Variants in PLCB4 observed in about 807,000 individuals in gnomAD.
PLCB4 encodes the protein phospholipase C beta 4.
PLCB4 carries 77 observed loss-of-function variants against 178.8 expected under a neutral mutation model. The observed-to-expected ratio is 0.43, with a 90% CI of 0.36 to 0.52. The LOEUF is 0.52. Ranked by LOEUF, PLCB4 falls within the 20% of genes least tolerant of loss-of-function variation. The pLI is 0.00. For missense variants in PLCB4, 1,024 were observed against 1,453.4 expected (o/e 0.70, Z 4.80); for synonymous variants, 496 against 490.8 (o/e 1.01, Z -0.14).
At chr20:9,196,468 G>C (rs1051827185) in intron 2 of PLCB4, among the ~76,000 whole-genome samples, 1 of 152,162 alleles carries the variant, frequency 6.6e-6, no homozygotes, top group African/African-American at 2.4e-5. Flanking sequence ...AAGCTCGATA[G>C]TGACAGATGG....
intron 2 of PLCB4, among the ~76,000 whole-genome samples, chr20:9,154,359 T>C (rs1005858978): frequency 6.6e-6 from 1 of 152,196 alleles, no homozygotes; most frequent in Non-Finnish European, 1.5e-5. Flanking sequence ...CTCTTACTGA[T>C]GATGGAGAGG....
intron 6 of PLCB4, among the ~76,000 whole-genome samples, chr20:9,338,437 T>TGGGAGGCAGA (rs936779433): frequency 6.6e-6 from 1 of 152,062 alleles, no homozygotes; most frequent in Non-Finnish European, 1.5e-5. Flanking sequence ...CCCAGCACTG[T>TGGGAGGCAGA]GGGAGGCAGA....
At chr20:9,302,528 T>C (rs777797054) in intron 3 of PLCB4, among the ~76,000 whole-genome samples, 9 of 152,130 alleles carry the variant, frequency 5.9e-5, no homozygotes, top group Non-Finnish European at 1.3e-4. Flanking sequence ...CAGTTTCAAA[T>C]TGGGAACACT....
intron 23 of PLCB4, 62 bp from the exon 24 acceptor site, chr20:9,408,995 T>C (rs2039667215): frequency 6.6e-7 from 1 of 1,506,920 alleles, no homozygotes; most frequent in Non-Finnish European, 9.1e-7. Context: ...GTTTTAGCTC[T>C]TTGTTGTTTA....
intron 1 of PLCB4, among the ~76,000 whole-genome samples, chr20:9,087,909 G>A (rs2090505843): frequency 6.6e-6 from 1 of 152,182 alleles, no homozygotes; most frequent in Non-Finnish European, 1.5e-5. Flanking sequence ...CACTCAGATG[G>A]AGGCTTTTCA....
intron 3 of PLCB4, among the ~76,000 whole-genome samples, chr20:9,239,934 A>G (rs1398779365): frequency 1.3e-5 from 2 of 152,194 alleles, no homozygotes; most frequent in African/African-American, 4.8e-5. Flanking sequence ...GAAGGCTGGA[A>G]GACTCGCAAG....
intron 2 of PLCB4, among the ~76,000 whole-genome samples, chr20:9,159,272 A>G (rs1401880742): frequency 1.3e-5 from 2 of 152,186 alleles, no homozygotes; most frequent in African/African-American, 2.4e-5. Context: ...CTTGACAGAT[A>G]CTTATTGGTT....
At chr20:9,386,757 C>T (rs1187265170) in intron 14 of PLCB4, among the ~76,000 whole-genome samples, 1 of 151,532 alleles carries the variant, frequency 6.6e-6, no homozygotes, top group Non-Finnish European at 1.5e-5. Flanking sequence ...GTCCTGCACC[C>T]ATTAACTCGT....
At chr20:9,346,382 G>T (rs1197793599) in intron 7 of PLCB4, among the ~76,000 whole-genome samples, 2 of 152,192 alleles carry the variant, frequency 1.3e-5, no homozygotes, top group Non-Finnish European at 2.9e-5. Flanking sequence ...TTAACTTAGT[G>T]GTCTGATGCC....
At chr20:9,192,784 T>C (rs2093422251) in intron 2 of PLCB4, among the ~76,000 whole-genome samples, 1 of 151,218 alleles carries the variant, frequency 6.6e-6, no homozygotes, top group Non-Finnish European at 1.5e-5. Flanking sequence ...CTGAGTGACA[T>C]AGCAGGACCC....
chr20:9,372,351 C>T lies in PLCB4; in HGVS notation c.634C>T (p.Leu212=). The T allele has an allele frequency of 6.2e-7, 1 of 1,604,474 alleles. No individual in the cohort carries two copies. Among genetic ancestry groups the T allele is most frequent in the Non-Finnish European group, 8.5e-7 (1 of 1,171,914 alleles). The change falls in exon 11 of 40, where the codon CTG becomes TTG. Residue 212 remains leucine (L), a synonymous_variant. Transcript: ENST00000378473. ...TAFSYEKFYE[L]TQKICPRTDI... ...ATTTTCTTATGAAAAGTTCTATGAACTGACACAAAAGATTTGTCCTCGGAC... is the reference window on the plus strand; with the variant it reads ...ATTTTCTTATGAAAAGTTCTATGAATTGACACAAAAGATTTGTCCTCGGAC...
chr20:9,447,109 A>G (rs1295907385), intron 32 of PLCB4, among the ~76,000 whole-genome samples: 1 of 152,220 alleles, frequency 6.6e-6, no homozygotes, highest in Admixed American at 6.5e-5. Context: ...TACTTGCTTA[A>G]GCACATATTC....
intron 5 of PLCB4, 52 bp downstream of exon 5, chr20:9,337,258 T>C (rs777728959): frequency 7.6e-7 from 1 of 1,319,334 alleles, no homozygotes; most frequent in Non-Finnish European, 1.1e-6. Flanking sequence ...TTTAAGCCAT[T>C]TTGTTTCTCA....
chr20:9,366,148 G>A (rs905245449), intron 9 of PLCB4, among the ~76,000 whole-genome samples: 7 of 152,164 alleles, frequency 4.6e-5, no homozygotes, highest in Admixed American at 3.9e-4. Context: ...CCAGCACTTT[G>A]GGAGGCCGCA....
At chr20:9,477,318 C>T (rs771229457) in intron 39 of PLCB4, among the ~76,000 whole-genome samples, 7 of 152,196 alleles carry the variant, frequency 4.6e-5, no homozygotes, top group Non-Finnish European at 1.0e-4. Context: ...AAAGGCAGCT[C>T]TGTTTATAAT....
At chr20:9,288,528 G>A (rs1306798293) in intron 3 of PLCB4, among the ~76,000 whole-genome samples, 1 of 151,776 alleles carries the variant, frequency 6.6e-6, no homozygotes, top group Non-Finnish European at 1.5e-5. Flanking sequence ...GACATATTTG[G>A]ACATCTGGAA....
At chr20:9,130,856 A>T (rs1217234527) in intron 2 of PLCB4, among the ~76,000 whole-genome samples, 2 of 152,214 alleles carry the variant, frequency 1.3e-5, no homozygotes, top group Non-Finnish European at 2.9e-5. Context: ...AGACCATCAT[A>T]TTCATTATGT....
intron 12 of PLCB4, among the ~76,000 whole-genome samples, chr20:9,374,926 T>A (rs2036546092): frequency 6.6e-6 from 1 of 151,062 alleles, no homozygotes; most frequent in Non-Finnish European, 1.5e-5. Flanking sequence ...AATAGTATTC[T>A]TTTTTTTAAT....
rs747741232 is a variant in PLCB4, at chr20:9,476,803, G to A, written c.3532+50G>A. On this transcript the variant is annotated intron_variant, in intron 39 of 39. Transcript: ENST00000378473. ...AGACGTTGCTTTCCTTCTCGACTAC[G>A]TCCGTATTCTCTGTGCAGTCTCCAT... 3.3e-5 allele frequency: 42 copies of A among 1,272,360 alleles called. 1 individual carries two copies. Among genetic ancestry groups the A allele is most frequent in the Admixed American group, 2.2e-4 (13 of 59,300 alleles). 78.8% of individuals were successfully genotyped at this position (1,272,360 alleles called of 1,614,324 possible).
Sources: gnomAD v4.1 joint callset for allele counts (sites outside exome capture counted in the v4.1 genomes callset) on GRCh38, gnomAD v4.1.1 for gene constraint, MANE v1.5 for transcripts, NCBI Gene and HGNC (gene_info 2026-07-23, HGNC 2026-07-21) for gene names.